PLCZ1: variants seen among roughly 807,000 people sequenced by gnomAD.
PLCZ1 encodes the protein 1-phosphatidylinositol 4,5-bisphosphate phosphodiesterase zeta-1.
In PLCZ1, 64 loss-of-function variants were observed where a neutral mutation model predicts 76.8. The observed-to-expected ratio is 0.83, with a 90% CI of 0.68 to 1.03. The LOEUF (loss-of-function observed/expected upper bound fraction) is 1.03. PLCZ1 is among the 50% of genes least tolerant of loss of function. PLCZ1 has a pLI of 0.00. For missense variants in PLCZ1, 751 were observed against 713.7 expected, an observed-to-expected ratio of 1.05 and a Z score of -0.60; for synonymous variants, 248 against 230.8, an observed-to-expected ratio of 1.07 and a Z score of -0.68.
intron 11 of PLCZ1, among the ~76,000 whole-genome samples, chr12:18,695,338 T>C (rs1055464295): frequency 1.1e-4 from 16 of 152,150 alleles, no homozygotes; most frequent in African/African-American, 3.9e-4. Flanking sequence ...TGGTATCCAG[T>C]ACAGATTACA....
chr12:18,707,709 T>C (rs1432822670), intron 6 of PLCZ1, among the ~76,000 whole-genome samples: 4 of 152,188 alleles, frequency 2.6e-5, no homozygotes, highest in African/African-American at 9.6e-5. Flanking sequence ...TGTAATTTCA[T>C]GTCCTCTTTT....
the PLCZ1 span, among the ~76,000 whole-genome samples, chr12:18,651,012 G>T: frequency 6.6e-6 from 1 of 151,678 alleles, no homozygotes; most frequent in African/African-American, 2.4e-5. Context: ...CTCTGCAGGG[G>T]CTTCTAATCT....
At chr12:18,732,396 C>T (rs1959102670) in intron 3 of PLCZ1, among the ~76,000 whole-genome samples, 1 of 152,138 alleles carries the variant, frequency 6.6e-6, no homozygotes, top group Admixed American at 6.5e-5. Context: ...AGGCGATCTG[C>T]CCAACTCAGC....
chr12:18,712,753 G>A, intron 6 of PLCZ1, 89 bp downstream of exon 6: 1 of 1,466,526 alleles, frequency 6.8e-7, no homozygotes, highest in Non-Finnish European at 9.5e-7. Flanking sequence ...ATCATCTAAA[G>A]TAAGGCTAAG....
intron 4 of PLCZ1, among the ~76,000 whole-genome samples, chr12:18,720,123 A>G (rs944079459): frequency 6.6e-6 from 1 of 152,034 alleles, no homozygotes; most frequent in African/African-American, 2.4e-5. Flanking sequence ...TATTTTTTGT[A>G]CCTGGTTTCT....
chr12:18,710,688 A>G (rs1415048278), intron 6 of PLCZ1, among the ~76,000 whole-genome samples: 1 of 152,154 alleles, frequency 6.6e-6, no homozygotes, highest in Non-Finnish European at 1.5e-5. Context: ...AGTGACAGTA[A>G]AAATGGGCAG....
chr12:18,720,620 A>G (rs909966357), intron 4 of PLCZ1, among the ~76,000 whole-genome samples: 5 of 151,990 alleles, frequency 3.3e-5, no homozygotes, highest in African/African-American at 1.2e-4. Context: ...TAAAATTTTT[A>G]GTTGCTATTA....
intron 3 of PLCZ1, 53 bp downstream of exon 3, chr12:18,736,168 T>C (rs1009057068): frequency 4.1e-5 from 65 of 1,583,896 alleles, no homozygotes; most frequent in Admixed American, 3.9e-4. Context: ...ATTACTGACA[T>C]TGGATTAAGT....
intron 9 of PLCZ1, among the ~76,000 whole-genome samples, chr12:18,701,249 T>C (rs1382802089): frequency 3.3e-5 from 5 of 152,008 alleles, no homozygotes; most frequent in Non-Finnish European, 7.4e-5. Context: ...CCTCCCAAAG[T>C]GCTGGGATTA....
chr12:18,674,699 G>C, the PLCZ1 span, among the ~76,000 whole-genome samples: 1 of 152,132 alleles, frequency 6.6e-6, no homozygotes, highest in Admixed American at 6.6e-5. Flanking sequence ...ATGTTCCACT[G>C]CTTGAAGCTA....
chr12:18,687,106 G>A (rs1163187594), intron 13 of PLCZ1, among the ~76,000 whole-genome samples: 2 of 152,046 alleles, frequency 1.3e-5, no homozygotes, highest in Non-Finnish European at 2.9e-5. Flanking sequence ...GGTGTCAAAT[G>A]AGGCAGGAAG....
intron 12 of PLCZ1, among the ~76,000 whole-genome samples, chr12:18,692,440 A>G (rs1269984861): frequency 6.6e-6 from 1 of 152,204 alleles, no homozygotes; most frequent in Non-Finnish European, 1.5e-5. Flanking sequence ...GTTATAGAGG[A>G]AAAAGAAAAA....
chr12:18,736,057 A>G (rs1046863639), intron 3 of PLCZ1, 164 bp downstream of exon 3: 1 of 732,922 alleles, frequency 1.4e-6, no homozygotes, highest in Non-Finnish European at 2.1e-6. Flanking sequence ...TTTTCTCAAC[A>G]ACTAATTTTA....
At chr12:18,725,585 C>T (rs940379752) in intron 3 of PLCZ1, among the ~76,000 whole-genome samples, 1 of 152,100 alleles carries the variant, frequency 6.6e-6, no homozygotes. Context: ...TTAAAGTTCT[C>T]ACTGTACCTC....
chr12:18,713,108 T>C (rs1445620567), intron 5 of PLCZ1, 122 bp from the exon 6 acceptor site: 12 of 1,327,998 alleles, frequency 9.0e-6, no homozygotes, highest in Non-Finnish European at 1.2e-5. Context: ...TCCATAAAAC[T>C]CTATAAAAAC....
chr12:18,729,852 A>G (rs996374485), intron 3 of PLCZ1, among the ~76,000 whole-genome samples: 1 of 152,080 alleles, frequency 6.6e-6, no homozygotes, highest in Non-Finnish European at 1.5e-5. Context: ...TCTTTACTCA[A>G]ATTTATAATA....
chr12:18,684,000 G>A, intron 14 of PLCZ1, 130 bp downstream of exon 14: 2 of 1,092,662 alleles, frequency 1.8e-6, no homozygotes, highest in Non-Finnish European at 2.6e-6. Flanking sequence ...GAAAAAATAT[G>A]TGTCAATACA....
At chr12:18,659,663 CT>C in the PLCZ1 span, among the ~76,000 whole-genome samples, 5,280 of 133,766 alleles carry the variant, frequency 0.039, 290 homozygotes, top group African/African-American at 0.13. Flanking sequence ...GTTCTCCATT[CT>C]TTTTTTTTTT....
At chr12:18,716,710 T>A (rs1210940785) in intron 5 of PLCZ1, among the ~76,000 whole-genome samples, 1 of 152,224 alleles carries the variant, frequency 6.6e-6, no homozygotes, top group Non-Finnish European at 1.5e-5. Flanking sequence ...CTTTATTTCA[T>A]CTATTTATCT....
Sources: gnomAD v4.1 joint callset for allele counts (sites outside exome capture counted in the v4.1 genomes callset) on GRCh38, gnomAD v4.1.1 for gene constraint, MANE v1.5 for transcripts, NCBI Gene and HGNC (gene_info 2026-07-23, HGNC 2026-07-21) for gene names.